The following POMGNT2 variants were observed in gnomAD, a reference collection of about 807,000 sequenced individuals.
POMGNT2 encodes the protein protein O-linked-mannose beta-1,4-N-acetylglucosaminyltransferase 2.
In POMGNT2, 32 loss-of-function variants were observed where a neutral mutation model predicts 37.8. That is an observed-to-expected ratio of 0.85 (90% CI 0.64 to 1.14). POMGNT2 has a LOEUF of 1.14. Ranked by LOEUF, POMGNT2 falls within the 50% of genes most tolerant of loss-of-function variation. The pLI, the probability that POMGNT2 is intolerant of heterozygous loss-of-function variation, is 0.00. For synonymous variants in POMGNT2, 340 were observed against 336.8 expected (o/e 1.01, Z -0.10); for missense variants, 705 against 780.6 (o/e 0.90, Z 1.15).
At position 43,079,343 on chromosome 3, in the gene POMGNT2, T is replaced by G. The variant is rs2867; in HGVS notation, c.*346A>C. 0.11 allele frequency: 30,519 copies of G among 269,328 alleles called. 2,244 individuals are homozygous for G. The highest frequency in any genetic ancestry group is 0.15 in the Non-Finnish European group (20,730 of 142,664). 16.7% of individuals were successfully genotyped at this position (269,328 alleles called of 1,614,324 possible). A position where few individuals can be genotyped will look rare whatever the true frequency, so the allele number is the denominator to read the frequency against. ...ACCCAATCAAACAGTACATGATTAC[T>G]CGGTTTCCAGAAATCTGGATACCAG... On this transcript the variant is annotated 3_prime_UTR_variant, in exon 2 of 2. Transcript: ENST00000344697.
At position 43,105,818 on chromosome 3, in the gene POMGNT2, A is replaced by AGC. The variant is rs1458805881; in HGVS notation, c.-106+16_-106+17dup. ...GGTGTCGGAGTCCGCTCCAGCCCCA[A>AGC]GCGCGCGCGCGTCTTACCTGAAGCC... On this transcript the variant is annotated intron_variant, in intron 1 of 1. Transcript: ENST00000344697. The AGC allele has an allele frequency of 2.0e-5, 3 of 151,784 alleles. No homozygotes were observed. The highest frequency in any genetic ancestry group is 1.5e-5 in the Non-Finnish European group (1 of 67,892). The allele number at this position is 151,784 out of a possible 1,614,324, so 9.4% of individuals were successfully genotyped here. A position where few individuals can be genotyped will look rare whatever the true frequency, so the allele number is the denominator to read the frequency against.
Position 43,098,075 on chromosome 3 carries a change from C to T in POMGNT2, c.-106+7761G>A, listed in dbSNP as rs989778226. Among the ~76,000 whole-genome samples the T allele has an allele frequency of 6.6e-6, 1 of 152,174 alleles. No homozygotes were observed. Among genetic ancestry groups the T allele is most frequent in the Admixed American group, 6.5e-5 (1 of 15,276 alleles). ...CAGGCTGCAGAAGATCAGGCAGGGCCCAGGCCAGGAGGGGGTCAGCAACGG... is the reference window on the plus strand; with the variant it reads ...CAGGCTGCAGAAGATCAGGCAGGGCTCAGGCCAGGAGGGGGTCAGCAACGG... On this transcript the variant is annotated intron_variant, in intron 1 of 1. Transcript: ENST00000344697. This position sits in a 1 kb window ranked among gnomAD's most constrained non-coding sequence, Gnocchi z 4.3.
intron 1 of POMGNT2, among the ~76,000 whole-genome samples, chr3:43,097,538 A>G (rs552268169): frequency 6.6e-6 from 1 of 152,020 alleles, no homozygotes; most frequent in East Asian, 1.9e-4. Flanking sequence ...CGGGAGAGGG[A>G]GGTGGGGAGA....
intron 1 of POMGNT2, among the ~76,000 whole-genome samples, chr3:43,082,393 G>A (rs2089863787): frequency 6.6e-6 from 1 of 152,184 alleles, no homozygotes; most frequent in African/African-American, 2.4e-5. Context: ...CTTAGGAGGA[G>A]GGTAGAAACT....
chr3:43,097,019 TG>T (rs2089984523), intron 1 of POMGNT2, among the ~76,000 whole-genome samples: 2 of 152,200 alleles, frequency 1.3e-5, no homozygotes, highest in African/African-American at 4.8e-5. Flanking sequence ...GCTGGGCAGG[TG>T]GGGTGGGGCC....
At chr3:43,099,976 G>C (rs1322751336) in intron 1 of POMGNT2, among the ~76,000 whole-genome samples, 1 of 152,148 alleles carries the variant, frequency 6.6e-6, no homozygotes, top group African/African-American at 2.4e-5. Context: ...AGGTTAGAAA[G>C]CCAAGTTTAC....
At chr3:43,104,092 A>G (rs1413781458) in intron 1 of POMGNT2, among the ~76,000 whole-genome samples, 1 of 152,190 alleles carries the variant, frequency 6.6e-6, no homozygotes, top group Non-Finnish European at 1.5e-5. Context: ...TCAATTTCAC[A>G]TTTAAGAAGG....
At chr3:43,086,910 C>G (rs1482067771) in intron 1 of POMGNT2, among the ~76,000 whole-genome samples, 1 of 152,120 alleles carries the variant, frequency 6.6e-6, no homozygotes, top group African/African-American at 2.4e-5. Context: ...GCTCTTTGCA[C>G]AGACAATTAG....
intron 1 of POMGNT2, among the ~76,000 whole-genome samples, chr3:43,092,445 G>A (rs1205811816): frequency 6.6e-6 from 1 of 152,030 alleles, no homozygotes; most frequent in Non-Finnish European, 1.5e-5. Flanking sequence ...GTATGGGCAC[G>A]GGCCACCAGC....
chr3:43,083,664 A>G (rs1339800130), intron 1 of POMGNT2, among the ~76,000 whole-genome samples: 2 of 152,104 alleles, frequency 1.3e-5, no homozygotes, highest in African/African-American at 4.8e-5. Context: ...CTTTACCTCC[A>G]CCTAGGTTCC....
At chr3:43,083,618 G>A (rs2125702617) in intron 1 of POMGNT2, among the ~76,000 whole-genome samples, 1 of 152,268 alleles carries the variant, frequency 6.6e-6, no homozygotes, top group Non-Finnish European at 1.5e-5. Context: ...ACAGTCTACT[G>A]GTATTGACAT....
intron 1 of POMGNT2, among the ~76,000 whole-genome samples, chr3:43,087,287 A>G (rs2089904842): frequency 6.6e-6 from 1 of 152,214 alleles, no homozygotes; most frequent in Admixed American, 6.5e-5. Flanking sequence ...GACCATAAGA[A>G]TTCATTTGAA....
At chr3:43,101,750 G>A (rs973334182) in intron 1 of POMGNT2, among the ~76,000 whole-genome samples, 6 of 152,184 alleles carry the variant, frequency 3.9e-5, no homozygotes, top group Non-Finnish European at 8.8e-5. Context: ...CTCCCCATAA[G>A]TATCAGTAAA....
Position 43,095,961 on chromosome 3 carries a change from A to G in POMGNT2, c.-106+9875T>C, listed in dbSNP as rs370783445. ...GCCACTGGCTGACCAGCTGAAAGTC[A>G]TCAGGCTATGGGGCAGGGAGAAGGG... On this transcript the variant is annotated intron_variant, in intron 1 of 1. Transcript: ENST00000344697. Among the ~76,000 whole-genome samples, 3 of 152,322 alleles carry G rather than the reference A, an allele frequency of 2.0e-5. No homozygotes were observed. In the East Asian group the frequency reaches 5.8e-4, roughly 29 times the overall value.
At position 43,081,077 on chromosome 3, in the gene POMGNT2, G is replaced by C. The variant is rs771003691; in HGVS notation, c.355C>G (p.Leu119Val). The change falls in exon 2 of 2, where the codon CTA (leucine) becomes GTA (valine). Residue 119 changes from leucine (L) to valine (V), a missense_variant. Transcript: ENST00000344697. Reference protein sequence around the residue: ...SRRFQPALLDLSTVEDHNTQY... With the variant: ...SRRFQPALLDVSTVEDHNTQY... ...GTGTTGTGGTCCTCCACGGTGGATA[G>C]GTCGAGCAGGGCTGGCTGGAAGCGC... 1 of 1,614,252 alleles carries C rather than the reference G, an allele frequency of 6.2e-7. No homozygotes were observed. The highest frequency in any genetic ancestry group is 8.5e-7 in the Non-Finnish European group (1 of 1,180,042).
intron 1 of POMGNT2, among the ~76,000 whole-genome samples, chr3:43,083,027 C>T (rs2089868574): frequency 6.6e-6 from 1 of 152,108 alleles, no homozygotes; most frequent in Non-Finnish European, 1.5e-5. Context: ...CTATCAACTC[C>T]TGTTGGGCAT....
rs2089850158 is a variant in POMGNT2 at position 43,081,088 on chromosome 3, G to A, written c.344C>T (p.Ala115Val). 6.2e-7 allele frequency: 1 copy of A among 1,614,220 alleles called. No individual in the cohort carries two copies. Among genetic ancestry groups the A allele is most frequent in the South Asian group, 1.1e-5 (1 of 91,082 alleles). Residue 115 changes from alanine to valine, a missense_variant, in exon 2 of 2, where the codon GCC becomes GTC. Transcript: ENST00000344697. The part of the protein sequence containing the change: ...PNLGSRRFQP[A>V]LLDLSTVEDH... ...CTCCACGGTGGATAGGTCGAGCAGGGCTGGCTGGAAGCGCCGGGAGCCCAG... is the reference window on the plus strand; with the variant it reads ...CTCCACGGTGGATAGGTCGAGCAGGACTGGCTGGAAGCGCCGGGAGCCCAG...
rs926838644 is a variant in POMGNT2 at position 43,089,229 on chromosome 3, G to A, written c.-105-7693C>T. Among the ~76,000 whole-genome samples, 4 of 152,238 alleles carry A rather than the reference G, an allele frequency of 2.6e-5. No homozygotes were observed. The East Asian group carries it at 5.8e-4, about 22-fold the overall frequency. On this transcript the variant is annotated intron_variant, in intron 1 of 1. Coordinates refer to ENST00000344697, the MANE Select transcript of POMGNT2 (RefSeq NM_032806.6). ...CAGAAGGTGGGCTTCAGTGAGCCCTGCAGGCAGGAAGTACCAGACCCCTCC... is the reference window on the plus strand; with the variant it reads ...CAGAAGGTGGGCTTCAGTGAGCCCTACAGGCAGGAAGTACCAGACCCCTCC...
intron 1 of POMGNT2, among the ~76,000 whole-genome samples, chr3:43,093,434 T>C (rs1418399089): frequency 6.6e-6 from 1 of 152,218 alleles, no homozygotes; most frequent in Admixed American, 6.5e-5. Flanking sequence ...ATAGTGTTGA[T>C]GGAAGGCAGG....
Sources: gnomAD v4.1 joint callset for allele counts (sites outside exome capture counted in the v4.1 genomes callset) on GRCh38, gnomAD v4.1.1 for gene constraint, Gnocchi (gnomAD v3.1) non-coding constraint, MANE v1.5 for transcripts, NCBI Gene and HGNC (gene_info 2026-07-23, HGNC 2026-07-21) for gene names.